MECOM: variants seen among roughly 807,000 people sequenced by gnomAD.
MECOM encodes histone-lysine N-methyltransferase MECOM.
Under a neutral mutation model 116.3 loss-of-function variants are expected in MECOM, and 13 were observed. The ratio of observed to expected loss-of-function variants is 0.11; its 90% confidence interval spans 0.07 to 0.18. The LOEUF is 0.18. Among genes scored for constraint, MECOM ranks in the 10% least tolerant of loss-of-function variants. The pLI is 1.00. For synonymous variants in MECOM, 528 were observed against 535.2 expected (o/e 0.99, Z 0.19); for missense variants, 1,299 against 1,509.0 (o/e 0.86, Z 2.31).
intron 1 of MECOM, among the ~76,000 whole-genome samples, chr3:169,466,423 A>G (rs1013507178): frequency 6.6e-6 from 1 of 152,178 alleles, no homozygotes; most frequent in African/African-American, 2.4e-5. Flanking sequence ...AGACTGGTTC[A>G]CTGGAGTACT....
intron 1 of MECOM, among the ~76,000 whole-genome samples, chr3:169,526,870 C>A (rs189018903): frequency 5.3e-4 from 81 of 152,104 alleles, no homozygotes; most frequent in African/African-American, 1.5e-3. Context: ...TTGTGCCACT[C>A]CTCACACACT....
At chr3:169,415,738 C>T (rs1253063714) in intron 1 of MECOM, among the ~76,000 whole-genome samples, 1 of 152,086 alleles carries the variant, frequency 6.6e-6, no homozygotes, top group Non-Finnish European at 1.5e-5. Flanking sequence ...ATCCTAGTCT[C>T]TGTTAAAACA....
intron 1 of MECOM, among the ~76,000 whole-genome samples, chr3:169,433,637 AAG>A (rs71635212): frequency 9.4e-4 from 82 of 87,468 alleles, no homozygotes; most frequent in Admixed American, 9.9e-4. Context: ...AAGAAAGAGA[AAG>A]AGAAAGAAAG....
chr3:169,663,257 C>A, intron 1 of MECOM, 79 bp downstream of exon 1: 1 of 1,525,076 alleles, frequency 6.6e-7, no homozygotes, highest in East Asian at 2.4e-5. Context: ...GCCCGCGCTC[C>A]CTCCCGGAGC....
chr3:169,128,147 A>G (rs1733528977), intron 4 of MECOM, 87 bp from the exon 5 acceptor site: 1 of 1,088,570 alleles, frequency 9.2e-7, no homozygotes, highest in Non-Finnish European at 1.4e-6. Flanking sequence ...ACAAGACATA[A>G]TAGGTATTAT....
chr3:169,277,668 C>T (rs1159917638), intron 2 of MECOM, among the ~76,000 whole-genome samples: 1 of 152,172 alleles, frequency 6.6e-6, no homozygotes, highest in Non-Finnish European at 1.5e-5. Context: ...ACAAATGAAG[C>T]TTCCTTTGAA....
intron 2 of MECOM, among the ~76,000 whole-genome samples, chr3:169,311,328 A>G (rs145683461): frequency 2.6e-5 from 4 of 152,364 alleles, no homozygotes; most frequent in African/African-American, 9.6e-5. Context: ...GGATAGTTCA[A>G]AATAGCCAAC....
rs954375008 is a variant in MECOM at position 169,086,660 on chromosome 3, C to T, written c.3586-1617G>A. 69 of 676,870 alleles carry T rather than the reference C, an allele frequency of 1.0e-4. 1 individual carries two copies. In the Admixed American group the frequency reaches 1.3e-3, roughly 13 times the overall value. 41.9% of individuals were successfully genotyped at this position (676,870 alleles called of 1,614,324 possible). ...TACATAAAGTGTTTAGCTCAGTGTG[C>T]CTGACTGAGGTAATACATAAATAGT... On this transcript the variant is annotated intron_variant, in intron 16 of 16. Transcript: ENST00000651503.
chr3:169,639,318 T>C (rs987676247), intron 1 of MECOM, among the ~76,000 whole-genome samples: 8 of 152,172 alleles, frequency 5.3e-5, no homozygotes, highest in African/African-American at 1.9e-4. Flanking sequence ...CAGAAGTGTC[T>C]TCAAAAGCTG....
chr3:169,634,847 C>T (rs965936429), intron 1 of MECOM, among the ~76,000 whole-genome samples: 8 of 152,096 alleles, frequency 5.3e-5, no homozygotes, highest in African/African-American at 1.7e-4. Context: ...ACTGTTCAAA[C>T]CTGAAACTTG....
chr3:169,472,542 G>GAAAA (rs1560318087), intron 1 of MECOM, among the ~76,000 whole-genome samples: 2 of 69,130 alleles, frequency 2.9e-5, no homozygotes, highest in Non-Finnish European at 5.5e-5. Context: ...GAAAAGGAAA[G>GAAAA]GAAAGGAAAA....
Position 169,166,191 on chromosome 3 carries a change from C to T in MECOM, c.376-22359G>A, listed in dbSNP as rs557932815. 3.3e-5 allele frequency among the ~76,000 whole-genome samples: 5 copies of T among 152,234 alleles called. No homozygotes were observed. In the East Asian group the frequency reaches 9.6e-4, roughly 29 times the overall value. ...TTCTTGAATGAAACATAAAACTTTTCTTCAAAAAATGCCAATGGCTTTCTA... is the reference window on the plus strand; with the variant it reads ...TTCTTGAATGAAACATAAAACTTTTTTTCAAAAAATGCCAATGGCTTTCTA... On this transcript the variant is annotated intron_variant, in intron 2 of 16. Coordinates refer to ENST00000651503, the MANE Select transcript of MECOM (RefSeq NM_004991.4).
At chr3:169,321,056 T>G (rs1720764931) in intron 2 of MECOM, among the ~76,000 whole-genome samples, 1 of 152,214 alleles carries the variant, frequency 6.6e-6, no homozygotes, top group African/African-American at 2.4e-5. Context: ...GTGTGCTTCC[T>G]GTTGGTAAGT....
intron 1 of MECOM, among the ~76,000 whole-genome samples, chr3:169,628,044 C>T (rs569852726): frequency 6.6e-6 from 1 of 152,236 alleles, no homozygotes; most frequent in South Asian, 2.1e-4. Context: ...CTCTACATAC[C>T]AAAGAGCACC....
chr3:169,112,352 A>G lies in MECOM; in HGVS notation c.2577+435T>C, dbSNP rs182984814. On this transcript the variant is annotated intron_variant, in intron 9 of 16. Transcript: ENST00000651503. ...CTCTAGATAAATTCCTTCACCCTCT[A>G]TGGTAACAACTTGTCAGGTAGACTC... Among the ~76,000 whole-genome samples the G allele has an allele frequency of 4.6e-4, 70 of 152,198 alleles. 1 individual carries two copies. Among genetic ancestry groups the G allele is most frequent in the African/African-American group, 1.6e-3 (65 of 41,544 alleles).
intron 1 of MECOM, among the ~76,000 whole-genome samples, chr3:169,485,082 C>T (rs914640809): frequency 6.6e-6 from 1 of 152,104 alleles, no homozygotes; most frequent in Non-Finnish European, 1.5e-5. Context: ...GCAACCTCCA[C>T]CCCCTGGGTT....
At chr3:169,261,714 AAGG>A (rs956522181) in intron 2 of MECOM, among the ~76,000 whole-genome samples, 6 of 138,640 alleles carry the variant, frequency 4.3e-5, no homozygotes, top group Admixed American at 7.1e-5. Context: ...GAAGAAGAAG[AAGG>A]AGAAGGAGAA....
At chr3:169,430,787 C>T (rs1741491873) in intron 1 of MECOM, among the ~76,000 whole-genome samples, 1 of 152,170 alleles carries the variant, frequency 6.6e-6, no homozygotes, top group South Asian at 2.1e-4. Flanking sequence ...CATTAGATAA[C>T]AAGACCCTTT....
intron 2 of MECOM, among the ~76,000 whole-genome samples, chr3:169,232,983 C>G (rs1024788417): frequency 2.6e-5 from 4 of 152,080 alleles, no homozygotes; most frequent in Admixed American, 6.6e-5. Context: ...CTGGCAGGTC[C>G]CCAACAAGCA....
Sources: allele counts gnomAD v4.1 joint callset (sites outside exome capture counted in the v4.1 genomes callset), GRCh38; gene constraint gnomAD v4.1.1; transcripts MANE v1.5; gene names NCBI Gene and HGNC (gene_info 2026-07-23, HGNC 2026-07-21).